The following PLEKHM2 variants were observed in gnomAD, a reference collection of about 807,000 sequenced individuals.
PLEKHM2 encodes pleckstrin homology and RUN domain containing M2.
PLEKHM2 carries 77 observed loss-of-function variants against 116.3 expected under a neutral mutation model. That is an observed-to-expected ratio of 0.66 (90% confidence interval 0.55 to 0.80). The LOEUF (loss-of-function observed/expected upper bound fraction) is 0.80, where lower values mean the gene tolerates loss of function less well. Among genes scored for constraint, PLEKHM2 ranks in the 30% least tolerant of loss-of-function variants. The pLI, the probability that PLEKHM2 is intolerant of heterozygous loss-of-function variation, is 0.00. For synonymous variants in PLEKHM2, 562 were observed against 571.0 expected, an observed-to-expected ratio of 0.98 and a Z score of 0.22; for missense variants, 1,183 against 1,354.9, an observed-to-expected ratio of 0.87 and a Z score of 1.99.
intron 5 of PLEKHM2, 136 bp downstream of exon 5, chr1:15,718,761 T>C: frequency 1.6e-6 from 1 of 616,870 alleles, no homozygotes; most frequent in South Asian, 1.9e-5. Context: ...CAAAACTTGT[T>C]TTTTTGGGCG....
Position 15,728,568 on chromosome 1 carries a change from G to GGA in PLEKHM2, c.1922-97_1922-96dup. The GGA allele has an allele frequency of 8.7e-7, 1 of 1,146,068 alleles. No homozygotes were observed. The allele number at this position is 1,146,068 out of a possible 1,614,324, so 71.0% of individuals were successfully genotyped here. A position where few individuals can be genotyped will look rare whatever the true frequency, so the allele number is the denominator to read the frequency against. ...ACGCCATTCTCCTACTGCAGGGCAA[G>GGA]GAGAGGCCCTCTAAGAGAGGGGGCT... On this transcript the variant is annotated intron_variant, in intron 11 of 19. Coordinates refer to ENST00000375799, the MANE Select transcript of PLEKHM2 (RefSeq NM_015164.4). The surrounding 1 kb of genome is among the most constrained non-coding windows in gnomAD (Gnocchi z 5.9).
chr1:15,686,682 T>C (rs1338297267), intron 1 of PLEKHM2, among the ~76,000 whole-genome samples: 2 of 144,502 alleles, frequency 1.4e-5, no homozygotes, highest in African/African-American at 5.3e-5. Context: ...GGAGTCTCGC[T>C]CTGTCGCCCA....
intron 5 of PLEKHM2, 60 bp downstream of exon 5, chr1:15,718,685 G>T: frequency 1.2e-6 from 1 of 820,650 alleles, no homozygotes; most frequent in Non-Finnish European, 2.1e-6. Context: ...GGTGGGGGCA[G>T]GGTGGGCGGT....
In PLEKHM2 at chr1:15,708,495, G is replaced by A. The variant is rs998528459; in HGVS notation, c.61-7742G>A. 3.9e-5 allele frequency among the ~76,000 whole-genome samples: 6 copies of A among 152,206 alleles called. No individual in the cohort carries two copies. The East Asian group carries it at 9.6e-4, about 24-fold the overall frequency. ...CTCCCAAAGTGCTGGGATTACAGGC[G>A]TGAGCCACTGTGCCCGGTCCGGAAC... On this transcript the variant is annotated intron_variant, in intron 1 of 19. Transcript: ENST00000375799.
At chr1:15,689,887 G>A (rs1304896123) in intron 1 of PLEKHM2, among the ~76,000 whole-genome samples, 1 of 152,048 alleles carries the variant, frequency 6.6e-6, no homozygotes, top group African/African-American at 2.4e-5. Context: ...CTCCCAAGTA[G>A]CTGGGATTAC....
rs1488070803 is a variant in PLEKHM2, at chr1:15,732,988, C to G, written c.2922+260C>G. Among the ~76,000 whole-genome samples, 3 of 152,256 alleles carry G rather than the reference C, an allele frequency of 2.0e-5. 1 individual carries two copies. Among genetic ancestry groups the G allele is most frequent in the African/African-American group, 7.2e-5 (3 of 41,466 alleles). ...AGGCTGGGAGCCCGAGGCCCTCAAG[C>G]CACTCAGCATTGCTGCCTCAAGGGC... On this transcript the variant is annotated intron_variant, in intron 19 of 19. Transcript: ENST00000375799.
intron 1 of PLEKHM2, 83 bp downstream of exon 1, chr1:15,684,701 C>T (rs1221610722): frequency 1.2e-5 from 5 of 431,534 alleles, no homozygotes; most frequent in South Asian, 1.9e-4. Context: ...CGGGCCGGGG[C>T]CCCCCGCCCT....
At chr1:15,730,053 G>A (rs12729712) in intron 14 of PLEKHM2, 124 bp downstream of exon 14, 1 of 339,146 alleles carries the variant, frequency 2.9e-6, no homozygotes, top group Non-Finnish European at 5.2e-6. Flanking sequence ...ACCTGGGCGG[G>A]GCGGGGCGGG....
intron 1 of PLEKHM2, among the ~76,000 whole-genome samples, chr1:15,700,289 G>A (rs908936346): frequency 1.3e-5 from 2 of 151,906 alleles, no homozygotes; most frequent in African/African-American, 2.4e-5. Context: ...ACCCAGGCTC[G>A]GATGAGCACT....
At chr1:15,723,856 G>T (rs1315721635) in intron 7 of PLEKHM2, among the ~76,000 whole-genome samples, 1 of 152,212 alleles carries the variant, frequency 6.6e-6, no homozygotes, top group Non-Finnish European at 1.5e-5. Flanking sequence ...GTGGGGCTGT[G>T]GGGTGCATGT....
intron 7 of PLEKHM2, 65 bp from the exon 8 acceptor site, chr1:15,725,252 G>T (rs78864556): frequency 1.7e-6 from 2 of 1,199,514 alleles, no homozygotes; most frequent in Admixed American, 2.0e-5. Context: ...GCTAACGCAT[G>T]CTCTGGGGGT....
At position 15,733,835 on chromosome 1, in the gene PLEKHM2, CA is replaced by C. The variant is rs753628124; in HGVS notation, c.2963del (p.Lys988ArgfsTer8). On this transcript the variant is annotated frameshift_variant, in exon 20 of 20. Coordinates refer to ENST00000375799, the MANE Select transcript of PLEKHM2 (RefSeq NM_015164.4). LOFTEE classifies it high-confidence loss of function. ...ACACGGCGATCCAGGAAGCCTCCAACAAGAAGAAATTCGAGGATGCCTTGAG... is the reference window on the plus strand; with the variant it reads ...ACACGGCGATCCAGGAAGCCTCCAACAGAAGAAATTCGAGGATGCCTTGAG... The part of the protein sequence containing the change: ...PHTAIQEASN[K>X]KKFEDALSLI... 1.5e-5 allele frequency: 24 copies of C among 1,613,036 alleles called. No individual in the cohort carries two copies. The highest frequency in any genetic ancestry group is 1.9e-5 in the Non-Finnish European group (23 of 1,179,860).
chr1:15,720,461 C>T, intron 6 of PLEKHM2: 1 of 985,320 alleles, frequency 1.0e-6, no homozygotes, highest in Non-Finnish European at 1.2e-6. Flanking sequence ...GCACCCTTTG[C>T]ATCAGGGACC....
chr1:15,694,994 G>A (rs954605647), intron 1 of PLEKHM2, among the ~76,000 whole-genome samples: 1 of 152,178 alleles, frequency 6.6e-6, no homozygotes, highest in African/African-American at 2.4e-5. Context: ...CTGACATCAA[G>A]TGATCCACCT....
upstream of PLEKHM2, among the ~76,000 whole-genome samples, chr1:15,683,542 T>C (rs955040245): frequency 1.5e-5 from 2 of 137,328 alleles, no homozygotes; most frequent in Non-Finnish European, 3.1e-5. Context: ...GGGGTCGGAG[T>C]CTCCAGAGTC....
chr1:15,698,317 C>T (rs2148337592), intron 1 of PLEKHM2, among the ~76,000 whole-genome samples: 1 of 152,236 alleles, frequency 6.6e-6, no homozygotes, highest in African/African-American at 2.4e-5. Context: ...AATCCTCCCG[C>T]CTCATCATCC....
chr1:15,695,969 A>G (rs1400324724), intron 1 of PLEKHM2, among the ~76,000 whole-genome samples: 1 of 111,234 alleles, frequency 9.0e-6, no homozygotes, highest in East Asian at 2.8e-4. Flanking sequence ...CGTCCAACTA[A>G]TTTTTTCTAT....
At position 15,729,170 on chromosome 1, in the gene PLEKHM2, G is replaced by T. The variant is rs754304191; in HGVS notation, c.2055G>T (p.Thr685=). Residue 685 remains threonine (T), a synonymous_variant, in exon 13 of 20, where the codon ACG becomes ACT. Coordinates refer to ENST00000375799, the MANE Select transcript of PLEKHM2 (RefSeq NM_015164.4). This position sits in a 1 kb window ranked among gnomAD's most constrained non-coding sequence, Gnocchi z 4.7. ...TNRRKQFLLD[T]ADVALAEFFL... The stretch of plus-strand genomic sequence containing the variant: ...GCAGGAAGCAGTTTCTGCTGGACAC[G>T]GCTGATGTGGCGCTGGCTGAGTGAG... The T allele has an allele frequency of 6.2e-7, 1 of 1,611,100 alleles. No individual in the cohort carries two copies. Among genetic ancestry groups the T allele is most frequent in the Non-Finnish European group, 8.5e-7 (1 of 1,178,786 alleles).
At chr1:15,718,256 G>C (rs2148359195) in intron 4 of PLEKHM2, among the ~76,000 whole-genome samples, 1 of 152,348 alleles carries the variant, frequency 6.6e-6, no homozygotes, top group East Asian at 1.9e-4. Context: ...CTCAGCCTTT[G>C]CTGGGGTTGC....
Sources: allele counts gnomAD v4.1 joint callset (sites outside exome capture counted in the v4.1 genomes callset), GRCh38; gene constraint gnomAD v4.1.1; non-coding constraint Gnocchi (gnomAD v3.1); transcripts MANE v1.5; gene names NCBI Gene and HGNC (gene_info 2026-07-23, HGNC 2026-07-21).